The following PPP1R16A variants were observed in gnomAD, a reference collection of about 807,000 sequenced individuals.
PPP1R16A encodes myosin phosphatase-targeting subunit 3.
PPP1R16A carries 39 observed loss-of-function variants against 46.6 expected under a neutral mutation model. That is an observed-to-expected ratio of 0.84 (90% CI 0.65 to 1.09). The LOEUF (loss-of-function observed/expected upper bound fraction) is 1.09, where lower values mean the gene tolerates loss of function less well. Among genes scored for constraint, PPP1R16A ranks in the 50% least tolerant of loss-of-function variants. The pLI, the probability that PPP1R16A is intolerant of heterozygous loss-of-function variation, is 0.00. For synonymous variants in PPP1R16A, 413 were observed against 321.5 expected (o/e 1.28, Z -3.04); for missense variants, 798 against 735.6 (o/e 1.08, Z -0.98).
rs546474335 is a variant in PPP1R16A, at chr8:144,492,356, T to G, written c.-735+2144T>G. Among the ~76,000 whole-genome samples the G allele has an allele frequency of 1.2e-4, 14 of 120,218 alleles. No individual in the cohort carries two copies. In the East Asian group the frequency reaches 3.3e-3, roughly 28 times the overall value. 78.9% of individuals were successfully genotyped at this position (120,218 alleles called of 152,430 possible). Reference sequence around the variant, plus strand: ...GTACTTTTTTTTTTTTTTTTTTTGATAGGGAGTCTCTCTCTGTCACCCAGG... The same window carrying G: ...GTACTTTTTTTTTTTTTTTTTTTGAGAGGGAGTCTCTCTCTGTCACCCAGG... On this transcript the variant is annotated intron_variant, in intron 2 of 11. Transcript: ENST00000435887.
At chr8:144,491,822 C>T (rs188055526) in intron 2 of PPP1R16A, among the ~76,000 whole-genome samples, 30 of 150,514 alleles carry the variant, frequency 2.0e-4, no homozygotes, top group Middle Eastern at 3.5e-3. Flanking sequence ...GTCCCAGCTA[C>T]GTGGGAGGCC....
chr8:144,499,939 A>G (rs1826326456), intron 5 of PPP1R16A, 157 bp from the exon 6 acceptor site: 2 of 675,886 alleles, frequency 3.0e-6, no homozygotes. Flanking sequence ...AGGACAGCCG[A>G]TGGGCCCCAA....
intron 2 of PPP1R16A, among the ~76,000 whole-genome samples, chr8:144,492,549 A>C (rs925128066): frequency 2.0e-5 from 3 of 151,944 alleles, no homozygotes; most frequent in Non-Finnish European, 4.4e-5. Context: ...GTTAGCAAGG[A>C]TGGTCTCGAT....
intron 3 of PPP1R16A, chr8:144,498,028 T>C (rs770666526): frequency 2.2e-5 from 10 of 456,364 alleles, no homozygotes; most frequent in South Asian, 1.5e-4. Context: ...TCTGGTGCTC[T>C]GGAGTCTTGG....
chr8:144,499,830 A>C, intron 5 of PPP1R16A: 1 of 450,160 alleles, frequency 2.2e-6, no homozygotes, highest in East Asian at 4.0e-5. Context: ...CATCCAATGC[A>C]TGTTTATGGG....
intron 2 of PPP1R16A, among the ~76,000 whole-genome samples, chr8:144,490,790 C>T (rs1283154583): frequency 6.6e-6 from 1 of 152,232 alleles, no homozygotes; most frequent in African/African-American, 2.4e-5. Context: ...CATGGTGATG[C>T]ATGCCTGTGA....
chr8:144,499,385 G>A (rs902506673), intron 5 of PPP1R16A: 39 of 364,004 alleles, frequency 1.1e-4, no homozygotes, highest in African/African-American at 7.6e-4. Context: ...GCAGAGTGAG[G>A]AGGCCAGGTG....
intron 5 of PPP1R16A, 92 bp downstream of exon 5, chr8:144,499,153 C>A (rs1826263582): frequency 1.4e-6 from 2 of 1,429,394 alleles, no homozygotes; most frequent in African/African-American, 2.8e-5. Flanking sequence ...TGGCTCTCGG[C>A]CTCCTGTGTT....
rs921590468 is a variant in PPP1R16A at position 144,501,165 on chromosome 8, C to T, written c.1074C>T (p.Thr358=). The part of the protein sequence containing the change: ...VVRRVSLTQR[T]DLYRKQHAQE... ...GGCGGGTGAGCCTAACCCAGCGCAC[C>T]GACCTGTACCGCAAGCAGCACGCCC... Residue 358 remains threonine (T), a synonymous_variant, in exon 11 of 12, where the codon ACC becomes ACT. Coordinates refer to ENST00000435887, the MANE Select transcript of PPP1R16A (RefSeq NM_001329443.2). The T allele has an allele frequency of 3.7e-6, 6 of 1,610,788 alleles. No individual in the cohort carries two copies. The highest frequency in any genetic ancestry group is 5.1e-6 in the Non-Finnish European group (6 of 1,179,686).
intron 1 of PPP1R16A, among the ~76,000 whole-genome samples, chr8:144,483,701 C>A (rs561351425): frequency 7.3e-6 from 1 of 136,580 alleles, no homozygotes; most frequent in Admixed American, 8.1e-5. Flanking sequence ...CCACTGCGCC[C>A]GGTCTCTTTT....
At position 144,499,070 on chromosome 8, in the gene PPP1R16A, T is replaced by C; in HGVS notation, c.476+9T>C. On this transcript the variant is annotated intron_variant, in intron 5 of 11. Transcript: ENST00000435887. ...GAGCTGCTCATCGCCAGGTAGGGCCTGTTGGGCGTCCTTGGCAGGGAGAGG... is the reference window on the plus strand; with the variant it reads ...GAGCTGCTCATCGCCAGGTAGGGCCCGTTGGGCGTCCTTGGCAGGGAGAGG... 6.4e-7 allele frequency: 1 copy of C among 1,566,672 alleles called. No individual in the cohort carries two copies. Among genetic ancestry groups the C allele is most frequent in the Non-Finnish European group, 8.7e-7 (1 of 1,153,778 alleles).
In PPP1R16A at chr8:144,497,035, G is replaced by T; in HGVS notation, c.-160G>T. The T allele has an allele frequency of 1.0e-6, 1 of 954,864 alleles. No homozygotes were observed. The highest frequency in any genetic ancestry group is 1.5e-6 in the Non-Finnish European group (1 of 645,532). 59.1% of individuals were successfully genotyped at this position (954,864 alleles called of 1,614,324 possible). On this transcript the variant is annotated 5_prime_UTR_variant, in exon 3 of 12. Transcript: ENST00000435887. ...CCAGGGCTGCCTGGGCCTGGTTATT[G>T]TGTGGGGCCTCCTGACCCAGCCAAG... is the stretch of plus-strand genomic sequence containing the variant.
At position 144,478,065 on chromosome 8, in the gene PPP1R16A, G is replaced by C. The variant is rs917289528; in HGVS notation, c.-976G>C. On this transcript the variant is annotated 5_prime_UTR_variant, in exon 1 of 12. Coordinates refer to ENST00000435887, the MANE Select transcript of PPP1R16A (RefSeq NM_001329443.2). ...GCCCCCGCAGCGCCTCAGGGAGCGC[G>C]GGGCCCACTGACCCGCGGAAGCCAG... 7 of 395,516 alleles carry C rather than the reference G, an allele frequency of 1.8e-5. No individual in the cohort carries two copies. Among genetic ancestry groups the C allele is most frequent in the African/African-American group, 1.4e-4 (7 of 48,448 alleles). 24.5% of individuals were successfully genotyped at this position (395,516 alleles called of 1,614,324 possible).
rs767790104 is a variant in PPP1R16A at position 144,500,298 on chromosome 8, G to T, written c.612G>T (p.Arg204=). 1.2e-4 allele frequency: 186 copies of T among 1,544,648 alleles called. No individual in the cohort carries two copies. Among genetic ancestry groups the T allele is most frequent in the Admixed American group, 1.0e-3 (52 of 51,080 alleles). ...CCCAGGACAGCATCGAGGCCGCCCG[G>T]GCCGTGCCAGAACTGCGCATGCTGG... ...GITQDSIEAA[R]AVPELRMLDD... is the part of the protein sequence containing the mutation. Residue 204 remains arginine, a synonymous_variant, in exon 7 of 12, where the codon CGG becomes CGT. Transcript: ENST00000435887.
chr8:144,494,917 C>T (rs1825983644), intron 2 of PPP1R16A, among the ~76,000 whole-genome samples: 2 of 152,174 alleles, frequency 1.3e-5, no homozygotes, highest in Admixed American at 1.3e-4. Flanking sequence ...GCTCTCCTGC[C>T]TCTCTGGTAC....
At chr8:144,481,782 T>G (rs1200577816) in intron 1 of PPP1R16A, among the ~76,000 whole-genome samples, 1 of 152,206 alleles carries the variant, frequency 6.6e-6, no homozygotes, top group Non-Finnish European at 1.5e-5. Flanking sequence ...TTCTTTTTTC[T>G]TTTTTGTTTT....
At position 144,501,967 on chromosome 8, in the gene PPP1R16A, C is replaced by T. The variant is rs541584130; in HGVS notation, c.*64C>T. The T allele has an allele frequency of 5.2e-5, 74 of 1,435,754 alleles. No individual in the cohort carries two copies. Among genetic ancestry groups the T allele is most frequent in the African/African-American group, 4.1e-4 (29 of 70,132 alleles). The allele number at this position is 1,435,754 out of a possible 1,614,324, so 88.9% of individuals were successfully genotyped here. On this transcript the variant is annotated 3_prime_UTR_variant, in exon 12 of 12. Coordinates refer to ENST00000435887, the MANE Select transcript of PPP1R16A (RefSeq NM_001329443.2). ...AGCCCAAGGCTGCCTCCCCACGGTGCGTGCCCTGGTGCTGCGGGTGCAGCA... is the reference window on the plus strand; with the variant it reads ...AGCCCAAGGCTGCCTCCCCACGGTGTGTGCCCTGGTGCTGCGGGTGCAGCA...
chr8:144,485,221 A>C (rs1393020242), intron 1 of PPP1R16A, among the ~76,000 whole-genome samples: 4 of 63,808 alleles, frequency 6.3e-5, no homozygotes, highest in Non-Finnish European at 2.0e-4. Flanking sequence ...TCAAAAAAAA[A>C]AAAAAAAAAA....
At position 144,501,290 on chromosome 8, in the gene PPP1R16A, C is replaced by A; in HGVS notation, c.1199C>A (p.Pro400Gln). ...GGCGCAGAGCTCAGGCCGCCGCCCC[C>A]GGAGGTGAGCGCCCCGTCCCTGCTC... ...QTGAELRPPP[P>Q]EEDNPEVVRP... The change falls in exon 11 of 12, where the codon CCG (proline) becomes CAG (glutamine). Residue 400 changes from proline (P) to glutamine (Q), a missense_variant. Physicochemically the swap from Pro to Gln is moderately conservative, Grantham distance 76. Coordinates refer to ENST00000435887, the MANE Select transcript of PPP1R16A (RefSeq NM_001329443.2). 1 of 1,580,330 alleles carries A rather than the reference C, an allele frequency of 6.3e-7. No individual in the cohort carries two copies. The highest frequency in any genetic ancestry group is 1.3e-5 in the African/African-American group (1 of 74,478).
Sources: gnomAD v4.1 joint callset for allele counts (sites outside exome capture counted in the v4.1 genomes callset) on GRCh38, gnomAD v4.1.1 for gene constraint, MANE v1.5 for transcripts, NCBI Gene and HGNC (gene_info 2026-07-23, HGNC 2026-07-21) for gene names.